ADAMTS2: variants seen among roughly 807,000 people sequenced by gnomAD.
The protein encoded by ADAMTS2 is ADAM metallopeptidase with thrombospondin type 1 motif 2.
ADAMTS2 carries 50 observed loss-of-function variants against 123.0 expected under a neutral mutation model. That is an observed-to-expected ratio of 0.41 (90% confidence interval 0.32 to 0.51). ADAMTS2 has a LOEUF of 0.51. ADAMTS2 is among the 20% of genes least tolerant of loss of function. ADAMTS2 has a pLI of 0.35. For missense variants in ADAMTS2, 1,494 were observed against 1,705.2 expected, an observed-to-expected ratio of 0.88 and a Z score of 2.18; for synonymous variants, 678 against 695.4, an observed-to-expected ratio of 0.98 and a Z score of 0.39.
chr5:179,248,595 A>G (rs575479993), intron 3 of ADAMTS2, among the ~76,000 whole-genome samples: 2 of 152,296 alleles, frequency 1.3e-5, no homozygotes, highest in South Asian at 4.1e-4. Flanking sequence ...GGATGGCCAT[A>G]CTAATATCAG....
Position 179,125,144 on chromosome 5 carries a change from G to T in ADAMTS2, c.2787C>A (p.Thr929=), listed in dbSNP as rs149424876. The T allele has an allele frequency of 3.7e-6, 6 of 1,612,966 alleles. No homozygotes were observed. Among genetic ancestry groups the T allele is most frequent in the Non-Finnish European group, 5.1e-6 (6 of 1,179,920 alleles). Reference sequence around the variant, plus strand: ...GCACCTGCATGCCTGTCCGCCCACAGGTCTGGCTACATGGCTCCCATTCGC... The same window carrying T: ...GCACCTGCATGCCTGTCCGCCCACATGTCTGGCTACATGGCTCCCATTCGC... ...VTGEWEPCSQ[T]CGRTGMQVRS... The change falls in exon 19 of 22, where the codon ACC becomes ACA. Residue 929 remains threonine, a synonymous_variant. Coordinates refer to ENST00000251582, the MANE Select transcript of ADAMTS2 (RefSeq NM_014244.5).
rs55987544 is a variant in ADAMTS2, at chr5:179,188,693, G to A, written c.892-7538C>T. 6.4e-3 allele frequency among the ~76,000 whole-genome samples: 974 copies of A among 152,158 alleles called. 11 individuals carry two copies. Among genetic ancestry groups the A allele is most frequent in the African/African-American group, 0.022 (908 of 41,498 alleles). On this transcript the variant is annotated intron_variant, in intron 4 of 21. Transcript: ENST00000251582. This position sits in a 1 kb window ranked among gnomAD's most constrained non-coding sequence, Gnocchi z 5.1. ...AGAGTCCCCTCCTTCAATACCCAGC[G>A]CAGGAACACTCTGCCCAAGGCCACC...
rs746196691 is a variant in ADAMTS2, at chr5:179,114,096, G to C, written c.3407C>G (p.Pro1136Arg). Residue 1136 changes from proline to arginine, a missense_variant, in exon 22 of 22, where the codon CCA (proline) becomes CGA (arginine). Pro to Arg is a moderately radical substitution (Grantham distance 103). Transcript: ENST00000251582. ...GAGAGGGACCTCCAGGGGGGTGCTT[G>C]GTGATGGCCGCACCTCCATGGCTAC... ...PTVAMEVRPS[P>R]STPLEVPLNA... 7.4e-6 allele frequency: 12 copies of C among 1,614,116 alleles called. No individual in the cohort carries two copies. Among genetic ancestry groups the C allele is most frequent in the Non-Finnish European group, 1.0e-5 (12 of 1,180,016 alleles).
chr5:179,117,403 C>T lies in ADAMTS2; in HGVS notation c.3179-3079G>A, dbSNP rs756380036. Among the ~76,000 whole-genome samples the T allele has an allele frequency of 6.6e-6, 1 of 152,238 alleles. No homozygotes were observed. Among genetic ancestry groups the T allele is most frequent in the African/African-American group, 2.4e-5 (1 of 41,470 alleles). ...ACATTTATCCACATCTCCACTCCCT[C>T]ACTGTCTCCCCCACCAGGCTGGGAT... On this transcript the variant is annotated intron_variant, in intron 21 of 21. Transcript: ENST00000251582. The surrounding 1 kb of genome is among the most constrained non-coding windows in gnomAD (Gnocchi z 4.2).
intron 3 of ADAMTS2, among the ~76,000 whole-genome samples, chr5:179,244,016 A>C (rs1425199603): frequency 2.0e-5 from 3 of 152,214 alleles, no homozygotes; most frequent in Non-Finnish European, 2.9e-5. Context: ...ACGGAACTTA[A>C]GAAAAATGTG....
At position 179,308,725 on chromosome 5, in the gene ADAMTS2, T is replaced by C. The variant is rs1756744161; in HGVS notation, c.534+35042A>G. Reference sequence around the variant, plus strand: ...TCCCAGCAGATGAATCTGGCTGGCGTCCTGAGTGGAAGCAGGGCGCGGGCT... The same window carrying C: ...TCCCAGCAGATGAATCTGGCTGGCGCCCTGAGTGGAAGCAGGGCGCGGGCT... On this transcript the variant is annotated intron_variant, in intron 2 of 21. Transcript: ENST00000251582. The surrounding 1 kb of genome is among the most constrained non-coding windows in gnomAD (Gnocchi z 6.6). Among the ~76,000 whole-genome samples, 1 of 152,148 alleles carries C rather than the reference T, an allele frequency of 6.6e-6. No homozygotes were observed. The highest frequency in any genetic ancestry group is 1.5e-5 in the Non-Finnish European group (1 of 68,002).
intron 2 of ADAMTS2, among the ~76,000 whole-genome samples, chr5:179,315,694 A>G (rs761007985): frequency 5.3e-5 from 8 of 152,242 alleles, no homozygotes; most frequent in Non-Finnish European, 1.0e-4. Context: ...GACAAAGCAC[A>G]GCCCCAGATG....
chr5:179,139,762 G>T (rs1763129122), intron 11 of ADAMTS2, 128 bp downstream of exon 11: 5 of 1,423,330 alleles, frequency 3.5e-6, no homozygotes, highest in Non-Finnish European at 1.9e-6. Context: ...AGGCGGGGCA[G>T]CCTGCCCTGC....
In ADAMTS2 at chr5:179,180,058, G is replaced by C. The variant is rs1425819546; in HGVS notation, c.975+1014C>G. On this transcript the variant is annotated intron_variant, in intron 5 of 21. Transcript: ENST00000251582. This position sits in a 1 kb window ranked among gnomAD's most constrained non-coding sequence, Gnocchi z 4.6. ...ATGTCACTAAGTCACATTAAGCCTC[G>C]GTGTTCTTATCTGTGAAATGGGCAG... is the stretch of plus-strand genomic sequence containing the variant. Among the ~76,000 whole-genome samples the C allele has an allele frequency of 6.6e-6, 1 of 152,132 alleles. No homozygotes were observed. Among genetic ancestry groups the C allele is most frequent in the Non-Finnish European group, 1.5e-5 (1 of 68,030 alleles).
intron 2 of ADAMTS2, among the ~76,000 whole-genome samples, chr5:179,320,012 C>T (rs1757115350): frequency 6.6e-6 from 1 of 152,230 alleles, no homozygotes; most frequent in East Asian, 1.9e-4. Flanking sequence ...CCTGACGGCT[C>T]CTGGAGCAGC....
Position 179,214,130 on chromosome 5 carries a change from C to T in ADAMTS2, c.689-6415G>A, listed in dbSNP as rs138785623. Among the ~76,000 whole-genome samples, 1,078 of 149,828 alleles carry T rather than the reference C, an allele frequency of 7.2e-3. 12 individuals are homozygous for T. The highest frequency in any genetic ancestry group is 0.023 in the African/African-American group (925 of 40,474). On this transcript the variant is annotated intron_variant, in intron 3 of 21. Transcript: ENST00000251582. ...ACACATTAGGACACAACTCAAAAGC[C>T]GTGCCCACAGTCACCATTACTGAGA... is the stretch of plus-strand genomic sequence containing the variant.
At chr5:179,266,857 T>A (rs1766384765) in intron 3 of ADAMTS2, among the ~76,000 whole-genome samples, 1 of 152,236 alleles carries the variant, frequency 6.6e-6, no homozygotes, top group Non-Finnish European at 1.5e-5. Flanking sequence ...GAGTCTCGCC[T>A]GCTCCCCAGT....
intron 21 of ADAMTS2, 39 bp from the exon 22 acceptor site, chr5:179,114,363 A>G (rs540171408): frequency 6.3e-7 from 1 of 1,585,962 alleles, no homozygotes; most frequent in East Asian, 2.3e-5. Flanking sequence ...AAAGGACAAG[A>G]TAAGGGGGAC....
At position 179,205,325 on chromosome 5, in the gene ADAMTS2, T is replaced by C. The variant is rs1287558695; in HGVS notation, c.891+2188A>G. On this transcript the variant is annotated intron_variant, in intron 4 of 21. Coordinates refer to ENST00000251582, the MANE Select transcript of ADAMTS2 (RefSeq NM_014244.5). ...TCACTAAACAGTGCCACTGTCATGA[T>C]AACAAAACCACATTTTATGTGGAAA... Among the ~76,000 whole-genome samples, 18 of 152,190 alleles carry C rather than the reference T, an allele frequency of 1.2e-4. 1 individual carries two copies. Among genetic ancestry groups the C allele is most frequent in the Admixed American group, 1.2e-3 (18 of 15,278 alleles).
At chr5:179,148,133 C>T (rs534965384) in intron 10 of ADAMTS2, among the ~76,000 whole-genome samples, 23 of 152,224 alleles carry the variant, frequency 1.5e-4, no homozygotes, top group Admixed American at 4.6e-4. Flanking sequence ...CCTCTACTTA[C>T]GCCTCAGGGT....
chr5:179,191,912 C>A (rs995482507), intron 4 of ADAMTS2, among the ~76,000 whole-genome samples: 1 of 152,198 alleles, frequency 6.6e-6, no homozygotes, highest in Admixed American at 6.5e-5. Context: ...GCAGCTCCTG[C>A]TGGCGAGGGC....
intron 3 of ADAMTS2, among the ~76,000 whole-genome samples, chr5:179,247,685 G>C (rs924049849): frequency 6.6e-6 from 1 of 152,106 alleles, no homozygotes; most frequent in African/African-American, 2.4e-5. Flanking sequence ...CAACTGATTT[G>C]TCATCAGAAA....
chr5:179,133,499 A>C (rs1038931253), intron 13 of ADAMTS2, among the ~76,000 whole-genome samples: 4 of 150,092 alleles, frequency 2.7e-5, no homozygotes, highest in African/African-American at 9.8e-5. Context: ...TGAACTCCTG[A>C]CCTCAGGTGA....
Position 179,125,172 on chromosome 5 carries a change from G to A in ADAMTS2, c.2759C>T (p.Thr920Ile). ...CTGGCTACATGGCTCCCATTCGCCT[G>A]TGACCCACCTGCCAGGGCAGAGCGG... ...PQECSQPVWV[T>I]GEWEPCSQTC... is the part of the protein sequence containing the mutation. Residue 920 changes from threonine (T) to isoleucine (I), a missense_variant, in exon 19 of 22, where the codon ACA (threonine) becomes ATA (isoleucine). Transcript: ENST00000251582. 1 of 1,612,522 alleles carries A rather than the reference G, an allele frequency of 6.2e-7. No individual in the cohort carries two copies. Among genetic ancestry groups the A allele is most frequent in the Non-Finnish European group, 8.5e-7 (1 of 1,179,896 alleles).
Sources: allele counts gnomAD v4.1 joint callset (sites outside exome capture counted in the v4.1 genomes callset), GRCh38; gene constraint gnomAD v4.1.1; non-coding constraint Gnocchi (gnomAD v3.1); transcripts MANE v1.5; gene names NCBI Gene and HGNC (gene_info 2026-07-23, HGNC 2026-07-21).